The following PGPEP1 variants were observed in gnomAD, a reference collection of about 807,000 sequenced individuals.
PGPEP1 encodes pyroglutamyl-peptidase I.
Under a neutral mutation model 24.1 loss-of-function variants are expected in PGPEP1, and 15 were observed. The observed-to-expected ratio is 0.62, with a 90% CI of 0.42 to 0.96. The LOEUF is 0.96. PGPEP1 is among the 40% of genes least tolerant of loss of function. PGPEP1 has a pLI of 0.00. For missense variants in PGPEP1, 242 were observed against 273.4 expected, an observed-to-expected ratio of 0.89 and a Z score of 0.81; for synonymous variants, 122 against 116.4, an observed-to-expected ratio of 1.05 and a Z score of -0.31.
intron 4 of PGPEP1, 28 bp downstream of exon 4, chr19:18,357,643 G>A: frequency 6.7e-7 from 1 of 1,502,142 alleles, no homozygotes; most frequent in Non-Finnish European, 9.1e-7. Flanking sequence ...GGGAGTGAGT[G>A]GGGATTTCCC....
chr19:18,352,234 G>A (rs1050238534), intron 2 of PGPEP1, among the ~76,000 whole-genome samples: 44 of 128,926 alleles, frequency 3.4e-4, no homozygotes, highest in African/African-American at 1.1e-3. Flanking sequence ...ATTGCGGCAC[G>A]CCAGCCTGGG....
intron 1 of PGPEP1, among the ~76,000 whole-genome samples, chr19:18,342,055 G>A (rs944049423): frequency 6.6e-6 from 1 of 152,030 alleles, no homozygotes; most frequent in Non-Finnish European, 1.5e-5. Context: ...TTACGGGCAC[G>A]CATCACCCCA....
At chr19:18,342,801 A>G in intron 1 of PGPEP1, 58 bp from the exon 2 acceptor site, 2 of 1,362,380 alleles carry the variant, frequency 1.5e-6, no homozygotes, top group Non-Finnish European at 2.1e-6. Context: ...CGGCCAGGCC[A>G]GGGGCAGACT....
At chr19:18,352,377 G>A (rs1202348428) in intron 2 of PGPEP1, among the ~76,000 whole-genome samples, 1 of 150,676 alleles carries the variant, frequency 6.6e-6, no homozygotes, top group African/African-American at 2.4e-5. Flanking sequence ...CCGGGAAGCA[G>A]AGGTTGCAGT....
chr19:18,354,294 G>C (rs753989190), intron 2 of PGPEP1, among the ~76,000 whole-genome samples: 4 of 151,858 alleles, frequency 2.6e-5, no homozygotes, highest in Non-Finnish European at 2.9e-5. Flanking sequence ...AGGAGATCGA[G>C]ACCATCCTGG....
Position 18,369,209 on chromosome 19 carries a change from T to C in PGPEP1, c.*5626T>C, listed in dbSNP as rs1260149363. On this transcript the variant is annotated 3_prime_UTR_variant, in exon 5 of 5. Coordinates refer to ENST00000269919, the MANE Select transcript of PGPEP1 (RefSeq NM_017712.4). ...CTCTGTCCCCTGGTTTCCAGGACAG[T>C]TGTCACAAGCTGAGTGGGGGGGGAC... is the stretch of plus-strand genomic sequence containing the variant. 6.6e-6 allele frequency: 1 copy of C among 152,278 alleles called. No individual in the cohort carries two copies. Among genetic ancestry groups the C allele is most frequent in the African/African-American group, 2.4e-5 (1 of 41,444 alleles). The allele number at this position is 152,278 out of a possible 1,614,324, so 9.4% of individuals were successfully genotyped here.
intron 3 of PGPEP1, among the ~76,000 whole-genome samples, chr19:18,356,476 G>A (rs1675634836): frequency 6.6e-6 from 1 of 151,668 alleles, no homozygotes; most frequent in Admixed American, 6.6e-5. Flanking sequence ...GCCAAGGGTA[G>A]TGGCTCATGC....
At chr19:18,349,654 C>T (rs775324274) in intron 2 of PGPEP1, among the ~76,000 whole-genome samples, 22 of 152,238 alleles carry the variant, frequency 1.4e-4, no homozygotes, top group Middle Eastern at 3.4e-3. Context: ...CAAAATCATG[C>T]GATGAGTTTT....
chr19:18,344,720 C>T (rs1465871093), intron 2 of PGPEP1, among the ~76,000 whole-genome samples: 2 of 152,026 alleles, frequency 1.3e-5, no homozygotes, highest in African/African-American at 4.8e-5. Flanking sequence ...CAAAAAGAAA[C>T]AGCATGTTTC....
At chr19:18,362,340 A>G (rs12609057) in intron 4 of PGPEP1, among the ~76,000 whole-genome samples, 140,708 of 151,868 alleles carry the variant, frequency 0.93, 65,371 homozygotes, top group South Asian at 0.98. Context: ...CCGGGAGGCG[A>G]AGGTTGGAGT....
At chr19:18,351,899 G>A (rs537529264) in intron 2 of PGPEP1, among the ~76,000 whole-genome samples, 8 of 152,024 alleles carry the variant, frequency 5.3e-5, no homozygotes, top group African/African-American at 1.7e-4. Flanking sequence ...CCAAGGGGGG[G>A]CTGATCACTT....
Position 18,366,060 on chromosome 19 carries a change from G to A in PGPEP1, c.*2477G>A, listed in dbSNP as rs1489001930. On this transcript the variant is annotated 3_prime_UTR_variant, in exon 5 of 5. Transcript: ENST00000269919. ...GAAGCTGTGGCCTCTTTTGAATGTG[G>A]GGAACAACTGAAGACTCAGGGGTCA... is the stretch of plus-strand genomic sequence containing the variant. 1 of 152,136 alleles carries A rather than the reference G, an allele frequency of 6.6e-6. No individual in the cohort carries two copies. The highest frequency in any genetic ancestry group is 1.5e-5 in the Non-Finnish European group (1 of 68,074). The allele number at this position is 152,136 out of a possible 1,614,324, so 9.4% of individuals were successfully genotyped here. A position where few individuals can be genotyped will look rare whatever the true frequency, so the allele number is the denominator to read the frequency against.
At chr19:18,348,858 G>T (rs988954089) in intron 2 of PGPEP1, 1 of 152,262 alleles carries the variant, frequency 6.6e-6, no homozygotes, top group Non-Finnish European at 1.5e-5. Flanking sequence ...CTGGGCTCCG[G>T]TGATCCTCTT....
At chr19:18,342,518 A>G (rs949797239) in intron 1 of PGPEP1, among the ~76,000 whole-genome samples, 1 of 152,194 alleles carries the variant, frequency 6.6e-6, no homozygotes, top group African/African-American at 2.4e-5. Context: ...GGACAGTGAC[A>G]CAATAATTGT....
intron 2 of PGPEP1, among the ~76,000 whole-genome samples, chr19:18,349,296 C>T (rs1970951869): frequency 1.3e-5 from 2 of 152,126 alleles, no homozygotes; most frequent in Non-Finnish European, 2.9e-5. Context: ...ATTCTCATGC[C>T]TCAGCCTCCT....
rs1278796979 is a variant in PGPEP1 at position 18,367,022 on chromosome 19, G to GGTGC, written c.*3440_*3443dup. ...CATACAAGAATTAGCCAGATGTGGT[G>GGTGC]GTGCATGCCTGTGGTCCCAGATACT... is the stretch of plus-strand genomic sequence containing the variant. On this transcript the variant is annotated 3_prime_UTR_variant, in exon 5 of 5. Transcript: ENST00000269919. 6.6e-6 allele frequency: 1 copy of GGTGC among 151,848 alleles called. No homozygotes were observed. The highest frequency in any genetic ancestry group is 1.5e-5 in the Non-Finnish European group (1 of 68,040). The allele number at this position is 151,848 out of a possible 1,614,324, so 9.4% of individuals were successfully genotyped here.
intron 4 of PGPEP1, chr19:18,362,036 T>G (rs1179158625): frequency 5.0e-6 from 1 of 198,248 alleles, no homozygotes; most frequent in Non-Finnish European, 9.1e-6. Context: ...CCTGCTTTTA[T>G]ACATAATACG....
chr19:18,342,229 C>T lies in PGPEP1; in HGVS notation c.35-630C>T, dbSNP rs1000199474. Among the ~76,000 whole-genome samples the T allele has an allele frequency of 3.3e-5, 5 of 152,258 alleles. 1 individual carries two copies. Among genetic ancestry groups the T allele is most frequent in the Admixed American group, 3.3e-4 (5 of 15,282 alleles). ...CAGCCCCAGATCTGGATTTGAATCCCAGCTTTTTCACCTTCTTGCTGTGTG... is the reference window on the plus strand; with the variant it reads ...CAGCCCCAGATCTGGATTTGAATCCTAGCTTTTTCACCTTCTTGCTGTGTG... On this transcript the variant is annotated intron_variant, in intron 1 of 4. Coordinates refer to ENST00000269919, the MANE Select transcript of PGPEP1 (RefSeq NM_017712.4).
chr19:18,357,397 G>A lies in PGPEP1; in HGVS notation c.219G>A (p.Val73=). 6.2e-7 allele frequency: 1 copy of A among 1,613,406 alleles called. No homozygotes were observed. The part of the protein sequence containing the change: ...EKHSPQLVVH[V]GVSGMATTVT... ...TCTGTGTGCAGCTGGTGGTGCATGT[G>A]GGGGTGTCAGGCATGGCGACCACAG... The change falls in exon 4 of 5, where the codon GTG becomes GTA. Residue 73 remains valine (V), a synonymous_variant. Transcript: ENST00000269919.
Sources: allele counts gnomAD v4.1 joint callset (sites outside exome capture counted in the v4.1 genomes callset), GRCh38; gene constraint gnomAD v4.1.1; transcripts MANE v1.5; gene names NCBI Gene and HGNC (gene_info 2026-07-23, HGNC 2026-07-21).